PIK3CA: variants seen among roughly 807,000 people sequenced by gnomAD.
The protein encoded by PIK3CA is phosphatidylinositol 4,5-bisphosphate 3-kinase catalytic subunit alpha isoform.
Under a neutral mutation model 138.2 loss-of-function variants are expected in PIK3CA, and 27 were observed. The observed-to-expected ratio is 0.20, with a 90% CI of 0.14 to 0.27. PIK3CA has a LOEUF of 0.27. Ranked by LOEUF, PIK3CA falls within the 10% of genes least tolerant of loss-of-function variation. PIK3CA has a pLI of 1.00. For missense variants in PIK3CA, 544 were observed against 1,277.4 expected, an observed-to-expected ratio of 0.43 and a Z score of 8.75; for synonymous variants, 358 against 413.2, an observed-to-expected ratio of 0.87 and a Z score of 1.62.
chr3:179,156,920 T>C (rs1576911949), intron 1 of PIK3CA, among the ~76,000 whole-genome samples: 1 of 152,152 alleles, frequency 6.6e-6, no homozygotes. Flanking sequence ...CTGAACTGTA[T>C]TTTTTTCTTA....
chr3:179,236,525 C>T lies in PIK3CA; in HGVS notation c.*2161C>T. ...AAATCTGAAAGTTTGATGGTAGAAA[C>T]TGAAGATTTAACAGAGAACTGTGTT... On this transcript the variant is annotated 3_prime_UTR_variant, in exon 21 of 21. Transcript: ENST00000263967. The T allele has an allele frequency of 4.5e-6, 1 of 221,266 alleles. No homozygotes were observed. The highest frequency in any genetic ancestry group is 9.1e-6 in the Non-Finnish European group (1 of 109,350). The allele number at this position is 221,266 out of a possible 1,614,324, so 13.7% of individuals were successfully genotyped here.
At chr3:179,210,060 A>ATTT in intron 7 of PIK3CA, 126 bp from the exon 8 acceptor site, 1 of 564,266 alleles carries the variant, frequency 1.8e-6, no homozygotes, top group South Asian at 2.7e-5. Flanking sequence ...TGAAAAATCA[A>ATTT]TTTTTTTTTT....
chr3:179,199,651 G>A (rs199584572), intron 2 of PIK3CA, 39 bp from the exon 3 acceptor site: 2 of 1,376,120 alleles, frequency 1.5e-6, no homozygotes, highest in Non-Finnish European at 2.1e-6. Context: ...TGCTGTGTAT[G>A]TAATAGAATG....
At chr3:179,199,989 C>A in intron 3 of PIK3CA, 90 bp downstream of exon 3, 1 of 742,790 alleles carries the variant, frequency 1.3e-6, no homozygotes. Context: ...TTTTTTTTTC[C>A]AGCTAGATAG....
At chr3:179,154,118 T>C (rs11919383) in intron 1 of PIK3CA, among the ~76,000 whole-genome samples, 38,286 of 152,050 alleles carry the variant, frequency 0.25, 5,817 homozygotes, top group African/African-American at 0.42. Context: ...GTAATAAAAG[T>C]GGTGGCTTAG....
chr3:179,230,209 T>G lies in PIK3CA; in HGVS notation c.2785-16T>G. 1 of 1,590,586 alleles carries G rather than the reference T, an allele frequency of 6.3e-7. No individual in the cohort carries two copies. Among genetic ancestry groups the G allele is most frequent in the Non-Finnish European group, 8.6e-7 (1 of 1,164,664 alleles). On this transcript the variant is annotated splice_polypyrimidine_tract_variant and intron_variant, in intron 19 of 20. Coordinates refer to ENST00000263967, the MANE Select transcript of PIK3CA (RefSeq NM_006218.4). This position sits in a 1 kb window ranked among gnomAD's most constrained non-coding sequence, Gnocchi z 5.4. ...TGCATATATCAAACTATAACATAATTTCTTATTTTTGAAAGCTGTTTCATA... is the reference window on the plus strand; with the variant it reads ...TGCATATATCAAACTATAACATAATGTCTTATTTTTGAAAGCTGTTTCATA...
intron 2 of PIK3CA, 58 bp from the exon 3 acceptor site, chr3:179,199,632 A>C (rs541889337): frequency 1.6e-6 from 2 of 1,249,132 alleles, no homozygotes; most frequent in South Asian, 2.7e-5. Flanking sequence ...TGCAAAAAAA[A>C]CATGTTCATG....
intron 1 of PIK3CA, among the ~76,000 whole-genome samples, chr3:179,170,601 T>C (rs1427992245): frequency 2.6e-5 from 4 of 152,236 alleles, no homozygotes; most frequent in Non-Finnish European, 5.9e-5. Context: ...GTGAGGAGGT[T>C]GGATGATTTC....
rs894952678 is a variant in PIK3CA, at chr3:179,236,906, C to G, written c.*2542C>G. 4.8e-6 allele frequency: 1 copy of G among 206,818 alleles called. No individual in the cohort carries two copies. The highest frequency in any genetic ancestry group is 2.3e-5 in the African/African-American group (1 of 43,938). The allele number at this position is 206,818 out of a possible 1,614,324, so 12.8% of individuals were successfully genotyped here. A position where few individuals can be genotyped will look rare whatever the true frequency, so the allele number is the denominator to read the frequency against. On this transcript the variant is annotated 3_prime_UTR_variant, in exon 21 of 21. Transcript: ENST00000263967. ...TTCTGGGTACTTCAGTATCAGAGAT[C>G]AGTTCTCGTGGTTTAGACAGTTCCT...
At position 179,237,431 on chromosome 3, in the gene PIK3CA, G is replaced by A. The variant is rs1231108815; in HGVS notation, c.*3067G>A. 7 of 199,230 alleles carry A rather than the reference G, an allele frequency of 3.5e-5. No homozygotes were observed. Among genetic ancestry groups the A allele is most frequent in the Non-Finnish European group, 6.2e-5 (6 of 96,414 alleles). 12.3% of individuals were successfully genotyped at this position (199,230 alleles called of 1,614,324 possible). On this transcript the variant is annotated 3_prime_UTR_variant, in exon 21 of 21. Transcript: ENST00000263967. The stretch of plus-strand genomic sequence containing the variant: ...ATAATGAATTGTAAAATATTTTAAT[G>A]TGTAACTTTTTCAACTGTGAAACTG...
chr3:179,224,587 T>A, intron 15 of PIK3CA, 113 bp from the exon 16 acceptor site: 10 of 634,094 alleles, frequency 1.6e-5, no homozygotes, highest in Non-Finnish European at 2.4e-5. Context: ...GTGAAAGTTG[T>A]AAATCTTTGT....
At chr3:179,153,195 T>C (rs542802234) in intron 1 of PIK3CA, among the ~76,000 whole-genome samples, 42 of 152,218 alleles carry the variant, frequency 2.8e-4, no homozygotes, top group Non-Finnish European at 6.2e-4. Flanking sequence ...TGTTTTCAAT[T>C]TCAGATTAGC....
chr3:179,187,083 A>G (rs896837637), intron 1 of PIK3CA, among the ~76,000 whole-genome samples: 3 of 152,008 alleles, frequency 2.0e-5, no homozygotes, highest in African/African-American at 4.8e-5. Flanking sequence ...TATGATAACC[A>G]AATTTCCTTT....
rs183589643 is a variant in PIK3CA at position 179,230,615 on chromosome 3, C to G, written c.2936+239C>G. The stretch of plus-strand genomic sequence containing the variant: ...CAAAAAAATTTAAAAAGTAGCCAGG[C>G]GTGGTGGCATGCACTGTAGTCCCAG... On this transcript the variant is annotated intron_variant, in intron 20 of 20. Transcript: ENST00000263967. This position sits in a 1 kb window ranked among gnomAD's most constrained non-coding sequence, Gnocchi z 5.4. 1.0e-3 allele frequency among the ~76,000 whole-genome samples: 155 copies of G among 151,926 alleles called. No individual in the cohort carries two copies. The highest frequency in any genetic ancestry group is 3.5e-3 in the African/African-American group (144 of 41,458).
intron 1 of PIK3CA, among the ~76,000 whole-genome samples, chr3:179,174,915 T>TGA (rs1723657457): frequency 6.6e-6 from 1 of 152,236 alleles, no homozygotes; most frequent in Non-Finnish European, 1.5e-5. Flanking sequence ...TGGGCTTCAA[T>TGA]CCATCTTTGC....
At chr3:179,218,061 C>A (rs1724876610) in intron 9 of PIK3CA, 149 bp from the exon 10 acceptor site, 2 of 679,466 alleles carry the variant, frequency 2.9e-6, no homozygotes, top group Non-Finnish European at 4.4e-6. Context: ...AAAATAAAGT[C>A]TTGCAATGAA....
At chr3:179,184,784 G>T (rs1215372639) in intron 1 of PIK3CA, among the ~76,000 whole-genome samples, 1 of 152,300 alleles carries the variant, frequency 6.6e-6, no homozygotes, top group East Asian at 1.9e-4. Flanking sequence ...GTTCTACCAA[G>T]AAACCTGTAG....
rs1373769625 is a variant in PIK3CA at position 179,230,480 on chromosome 3, TGTG to T, written c.2936+110_2936+112del. 17 of 1,020,128 alleles carry T rather than the reference TGTG, an allele frequency of 1.7e-5. No homozygotes were observed. Among genetic ancestry groups the T allele is most frequent in the Non-Finnish European group, 2.3e-5 (16 of 701,822 alleles). The allele number at this position is 1,020,128 out of a possible 1,614,324, so 63.2% of individuals were successfully genotyped here. On this transcript the variant is annotated intron_variant, in intron 20 of 20. Transcript: ENST00000263967. This position sits in a 1 kb window ranked among gnomAD's most constrained non-coding sequence, Gnocchi z 5.4. ...TTCAAAATAATAAATGTTGGCTGGGTGTGGTGGTTCATGCCTGTAATCCCAACT... is the reference window on the plus strand; with the variant it reads ...TTCAAAATAATAAATGTTGGCTGGGTGTGGTTCATGCCTGTAATCCCAACT...
chr3:179,199,878 A>G lies in PIK3CA; in HGVS notation c.541A>G (p.Ile181Val), dbSNP rs1724366892. The change falls in exon 3 of 21, where the codon ATA becomes GTA. Residue 181 changes from isoleucine (I) to valine (V), a missense_variant. Ile to Val is a conservative substitution (Grantham distance 29). Around this residue, in one of 14 missense-constraint regions of PIK3CA, gnomAD observed 234 missense variants for 401.3 expected, o/e 0.58. Transcript: ENST00000263967. ...ATCTTCACCAGAATTGCCAAAGCAC[A>G]TATATAATAAATTAGATAAAGGTAA... ...VESSPELPKHIYNKLDKGQII... is the reference protein window; with the variant it reads ...VESSPELPKHVYNKLDKGQII... 1.2e-6 allele frequency: 2 copies of G among 1,600,718 alleles called. No homozygotes were observed. Among genetic ancestry groups the G allele is most frequent in the South Asian group, 1.1e-5 (1 of 90,768 alleles).
Sources: allele counts gnomAD v4.1 joint callset (sites outside exome capture counted in the v4.1 genomes callset), GRCh38; gene constraint gnomAD v4.1.1; regional missense constraint gnomAD v4.1.1; non-coding constraint Gnocchi (gnomAD v3.1); transcripts MANE v1.5; gene names NCBI Gene and HGNC (gene_info 2026-07-23, HGNC 2026-07-21).